CRADD: variants seen among roughly 807,000 people sequenced by gnomAD.
The protein encoded by CRADD is death domain-containing protein CRADD.
In CRADD, 9 loss-of-function variants were observed where a neutral mutation model predicts 15.5. The ratio of observed to expected loss-of-function variants is 0.58; its 90% CI spans 0.35 to 1.01. The LOEUF (loss-of-function observed/expected upper bound fraction) is 1.01, where lower values mean the gene tolerates loss of function less well. Among genes scored for constraint, CRADD ranks in the 50% least tolerant of loss-of-function variants. The pLI, the probability that CRADD is intolerant of heterozygous loss-of-function variation, is 0.02. For synonymous variants in CRADD, 118 were observed against 107.6 expected, an observed-to-expected ratio of 1.10 and a Z score of -0.60; for missense variants, 227 against 250.3, an observed-to-expected ratio of 0.91 and a Z score of 0.63.
At chr12:93,881,514 C>T (rs911569277) in intron 2 of CRADD, among the ~76,000 whole-genome samples, 1 of 151,868 alleles carries the variant, frequency 6.6e-6, no homozygotes, top group East Asian at 1.9e-4. Flanking sequence ...GTTTGTCACA[C>T]ATCTAAATCC....
At chr12:93,812,777 C>G (rs1957644080) in intron 2 of CRADD, among the ~76,000 whole-genome samples, 1 of 152,218 alleles carries the variant, frequency 6.6e-6, no homozygotes, top group Non-Finnish European at 1.5e-5. Flanking sequence ...AACTCTGGCT[C>G]AGGCATGAGA....
rs1286052374 is a variant in CRADD at position 93,791,589 on chromosome 12, T to A, written c.299-58381T>A. Among the ~76,000 whole-genome samples the A allele has an allele frequency of 3.3e-5, 5 of 152,184 alleles. No individual in the cohort carries two copies. The East Asian group carries it at 9.6e-4, about 29-fold the overall frequency. Reference sequence around the variant, plus strand: ...CAAAATCTCAGAGAGGAGAAATAAGTTTTGAGATCTATTGTACAGCATGGC... The same window carrying A: ...CAAAATCTCAGAGAGGAGAAATAAGATTTGAGATCTATTGTACAGCATGGC... On this transcript the variant is annotated intron_variant, in intron 2 of 2. Transcript: ENST00000332896.
intron 2 of CRADD, among the ~76,000 whole-genome samples, chr12:93,790,912 GACAC>G (rs58305551): frequency 4.1e-5 from 6 of 144,724 alleles, no homozygotes; most frequent in South Asian, 2.3e-4. Context: ...CCATATACAT[GACAC>G]ACACACACAC....
In CRADD at chr12:93,841,811, G is replaced by A. The variant is rs139445712; in HGVS notation, c.299-8159G>A. Among the ~76,000 whole-genome samples the A allele has an allele frequency of 5.2e-3, 794 of 152,244 alleles. 2 individuals are homozygous for A. The highest frequency in any genetic ancestry group is 8.0e-3 in the Non-Finnish European group (544 of 68,006). Reference sequence around the variant, plus strand: ...TTCTAAAAAGCGGCTGTGCTGGAACGGGACAGTCTCTTCGCTCAGCTTTTT... The same window carrying A: ...TTCTAAAAAGCGGCTGTGCTGGAACAGGACAGTCTCTTCGCTCAGCTTTTT... On this transcript the variant is annotated intron_variant, in intron 2 of 2. Transcript: ENST00000332896.
intron 2 of CRADD, among the ~76,000 whole-genome samples, chr12:93,740,897 A>G (rs1181834059): frequency 6.6e-6 from 1 of 152,178 alleles, no homozygotes; most frequent in Non-Finnish European, 1.5e-5. Flanking sequence ...TCGGTTTTAA[A>G]ACAGCTGTGT....
At chr12:93,711,943 T>C (rs1324879977) in intron 2 of CRADD, among the ~76,000 whole-genome samples, 1 of 151,904 alleles carries the variant, frequency 6.6e-6, no homozygotes, top group East Asian at 1.9e-4. Flanking sequence ...TTTAGTAGAA[T>C]TGGGGTTTCA....
At chr12:93,685,038 A>C (rs1565870157) in intron 2 of CRADD, among the ~76,000 whole-genome samples, 2 of 152,264 alleles carry the variant, frequency 1.3e-5, no homozygotes, top group Non-Finnish European at 1.5e-5. Flanking sequence ...ATTGAATTAC[A>C]TGATGAGAAA....
intron 2 of CRADD, among the ~76,000 whole-genome samples, chr12:93,683,391 G>A (rs1955363445): frequency 6.6e-6 from 1 of 152,222 alleles, no homozygotes; most frequent in African/African-American, 2.4e-5. Context: ...CATGCTTTAT[G>A]TATTCTTAGC....
chr12:93,818,907 C>T (rs978953740), intron 2 of CRADD, among the ~76,000 whole-genome samples: 8 of 152,236 alleles, frequency 5.3e-5, no homozygotes, highest in African/African-American at 1.9e-4. Flanking sequence ...TCATAGAGTG[C>T]AACCAGGTAA....
exon 3 of CRADD, chr12:93,894,608 G>A (rs1363564729): frequency 6.5e-6 from 1 of 154,760 alleles, no homozygotes; most frequent in Non-Finnish European, 1.4e-5. Flanking sequence ...CGGAGCTGAT[G>A]TGTTTTGTAA....
At chr12:93,695,995 C>A (rs1261155125) in intron 2 of CRADD, among the ~76,000 whole-genome samples, 1 of 152,078 alleles carries the variant, frequency 6.6e-6, no homozygotes, top group African/African-American at 2.4e-5. Context: ...TGATCAACAT[C>A]GCAAATCACC....
chr12:93,892,026 T>C (rs1958579529), intron 2 of CRADD, among the ~76,000 whole-genome samples: 1 of 152,208 alleles, frequency 6.6e-6, no homozygotes, highest in South Asian at 2.1e-4. Context: ...CAACAAACCC[T>C]GTGAGATAGA....
downstream of CRADD, among the ~76,000 whole-genome samples, chr12:93,852,978 T>C (rs1958241158): frequency 6.6e-6 from 1 of 152,000 alleles, no homozygotes; most frequent in Admixed American, 6.5e-5. Flanking sequence ...CACAATAAGA[T>C]GAAGAAAAAT....
intron 2 of CRADD, among the ~76,000 whole-genome samples, chr12:93,732,238 G>C (rs906864242): frequency 1.3e-5 from 2 of 152,072 alleles, no homozygotes; most frequent in African/African-American, 2.4e-5. Flanking sequence ...GACCATCAAA[G>C]AACATTATTT....
At chr12:93,869,322 T>C (rs116591157) in intron 2 of CRADD, among the ~76,000 whole-genome samples, 2,399 of 152,048 alleles carry the variant, frequency 0.016, 51 homozygotes, top group African/African-American at 0.053. Context: ...CTGATGAAAA[T>C]GACAGAATTT....
At chr12:93,842,878 CAG>C (rs1158262788) in intron 2 of CRADD, among the ~76,000 whole-genome samples, 1 of 151,936 alleles carries the variant, frequency 6.6e-6, no homozygotes, top group Non-Finnish European at 1.5e-5. Context: ...GGCTTCATTG[CAG>C]TAAATGGGGT....
At chr12:93,787,833 G>A (rs1265985951) in intron 2 of CRADD, among the ~76,000 whole-genome samples, 5 of 152,152 alleles carry the variant, frequency 3.3e-5, no homozygotes, top group African/African-American at 4.8e-5. Context: ...CCACTGTATG[G>A]CAGGCATTAT....
At chr12:93,828,573 T>C (rs1232538645) in intron 2 of CRADD, among the ~76,000 whole-genome samples, 1 of 152,380 alleles carries the variant, frequency 6.6e-6, no homozygotes, top group East Asian at 1.9e-4. Flanking sequence ...TCAGTTGTTT[T>C]AGCATCACTT....
At chr12:93,847,783 A>C (rs186370821) in intron 2 of CRADD, among the ~76,000 whole-genome samples, 19 of 152,346 alleles carry the variant, frequency 1.2e-4, no homozygotes, top group Admixed American at 3.9e-4. Flanking sequence ...GTGGAGAGGA[A>C]ATGTAAAGTA....
Sources: allele counts gnomAD v4.1 joint callset (sites outside exome capture counted in the v4.1 genomes callset), GRCh38; gene constraint gnomAD v4.1.1; transcripts MANE v1.5; gene names NCBI Gene and HGNC (gene_info 2026-07-23, HGNC 2026-07-21).